The following ANKS1B variants were observed in gnomAD, a reference collection of about 807,000 sequenced individuals.
ANKS1B encodes ankyrin repeat and sterile alpha motif domain containing 1B, also known as ankyrin repeat and sterile alpha motif domain-containing protein 1B.
ANKS1B carries 36 observed loss-of-function variants against 148.3 expected under a neutral mutation model. That is an observed-to-expected ratio of 0.24 (90% CI 0.19 to 0.32). The LOEUF (loss-of-function observed/expected upper bound fraction) is 0.32. Among genes scored for constraint, ANKS1B ranks in the 10% least tolerant of loss-of-function variants. The pLI is 1.00. For missense variants in ANKS1B, 1,157 were observed against 1,542.6 expected, an observed-to-expected ratio of 0.75 and a Z score of 4.19; for synonymous variants, 542 against 560.8, an observed-to-expected ratio of 0.97 and a Z score of 0.47.
intron 8 of ANKS1B, among the ~76,000 whole-genome samples, chr12:99,718,262 C>G (rs1046492004): frequency 6.6e-6 from 1 of 152,052 alleles, no homozygotes; most frequent in Non-Finnish European, 1.5e-5. Context: ...CTTATTAGGC[C>G]GAGACATTTA....
chr12:98,835,057 G>A (rs1280396551), intron 17 of ANKS1B, among the ~76,000 whole-genome samples: 3 of 151,586 alleles, frequency 2.0e-5, no homozygotes, highest in African/African-American at 7.3e-5. Flanking sequence ...CCCTCCCTGA[G>A]TCCTGCTAGA....
intron 14 of ANKS1B, among the ~76,000 whole-genome samples, chr12:99,214,874 G>C (rs1041408842): frequency 5.9e-5 from 9 of 152,178 alleles, no homozygotes; most frequent in Non-Finnish European, 8.8e-5. Flanking sequence ...GTCTCAGATG[G>C]AGATGAAGAA....
intron 17 of ANKS1B, among the ~76,000 whole-genome samples, chr12:98,843,844 G>C (rs2099427921): frequency 6.6e-6 from 1 of 152,148 alleles, no homozygotes; most frequent in Admixed American, 6.5e-5. Context: ...GTTTTGTACT[G>C]ATCTAAATGA....
intron 14 of ANKS1B, among the ~76,000 whole-genome samples, chr12:99,200,894 C>G (rs1422244940): frequency 1.3e-5 from 2 of 152,166 alleles, no homozygotes; most frequent in Non-Finnish European, 2.9e-5. Context: ...GAATCTGTGA[C>G]TCATCAAAAG....
At chr12:99,456,079 T>A (rs2152837084) in intron 10 of ANKS1B, among the ~76,000 whole-genome samples, 1 of 152,226 alleles carries the variant, frequency 6.6e-6, no homozygotes, top group Non-Finnish European at 1.5e-5. Flanking sequence ...CTGAGAGACC[T>A]GAAGATGGGT....
chr12:99,657,217 CAG>C (rs1284826780), intron 8 of ANKS1B, among the ~76,000 whole-genome samples: 8 of 152,048 alleles, frequency 5.3e-5, no homozygotes, highest in African/African-American at 1.4e-4. Context: ...AACTAAGGGA[CAG>C]AGAGGCCAAG....
intron 16 of ANKS1B, among the ~76,000 whole-genome samples, chr12:99,083,259 G>T (rs1470244148): frequency 6.6e-6 from 1 of 152,268 alleles, no homozygotes; most frequent in Non-Finnish European, 1.5e-5. Flanking sequence ...TCTCTAGAAA[G>T]AATAGGAGGA....
chr12:98,908,555 A>C (rs2099782555), intron 17 of ANKS1B, among the ~76,000 whole-genome samples: 2 of 152,214 alleles, frequency 1.3e-5, no homozygotes, highest in South Asian at 4.1e-4. Context: ...GTGAGAATTA[A>C]ATAAGATGAC....
chr12:98,790,553 C>A (rs1333379809), intron 22 of ANKS1B, among the ~76,000 whole-genome samples: 1 of 152,218 alleles, frequency 6.6e-6, no homozygotes, highest in Non-Finnish European at 1.5e-5. Context: ...AAACTCCTGG[C>A]CCCAAGAGAT....
At chr12:99,771,618 A>C (rs1227420854) in intron 8 of ANKS1B, among the ~76,000 whole-genome samples, 2 of 152,154 alleles carry the variant, frequency 1.3e-5, no homozygotes, top group Non-Finnish European at 2.9e-5. Context: ...CATTAAAGTT[A>C]CTATTATAAA....
At chr12:99,560,839 TC>T (rs2097327447) in intron 9 of ANKS1B, among the ~76,000 whole-genome samples, 7 of 103,322 alleles carry the variant, frequency 6.8e-5, no homozygotes, top group African/African-American at 2.3e-4. Flanking sequence ...CTTTCTTTTT[TC>T]TTTTTTTTTT....
chr12:99,861,456 G>C (rs1181750703), intron 1 of ANKS1B, among the ~76,000 whole-genome samples: 1 of 152,110 alleles, frequency 6.6e-6, no homozygotes, highest in Non-Finnish European at 1.5e-5. Context: ...ATTTTCTAAA[G>C]AGTCTTGTTA....
At chr12:99,092,212 C>T (rs1466756320) in intron 15 of ANKS1B, among the ~76,000 whole-genome samples, 1 of 152,122 alleles carries the variant, frequency 6.6e-6, no homozygotes, top group Non-Finnish European at 1.5e-5. Flanking sequence ...AGTGTGGTGT[C>T]TCACTGGGTT....
chr12:99,859,504 T>G (rs1286713473), intron 1 of ANKS1B, among the ~76,000 whole-genome samples: 1 of 152,296 alleles, frequency 6.6e-6, no homozygotes, highest in South Asian at 2.1e-4. Context: ...TTGACTGGTG[T>G]TTTCTAGTGT....
intron 14 of ANKS1B, among the ~76,000 whole-genome samples, chr12:99,188,741 C>T (rs186821285): frequency 8.5e-5 from 13 of 152,168 alleles, no homozygotes; most frequent in East Asian, 1.9e-4. Context: ...CAGCAGAAAA[C>T]GGGAAAGATC....
chr12:99,858,032 G>T (rs1403049039), intron 1 of ANKS1B, among the ~76,000 whole-genome samples: 2 of 151,994 alleles, frequency 1.3e-5, no homozygotes, highest in Non-Finnish European at 2.9e-5. Context: ...AAGACAAATA[G>T]ATGGGACTTA....
intron 17 of ANKS1B, among the ~76,000 whole-genome samples, chr12:98,856,996 C>T (rs957565025): frequency 6.6e-6 from 1 of 152,006 alleles, no homozygotes; most frequent in Admixed American, 6.6e-5. Context: ...TGTGAGCAAG[C>T]CATACAATGG....
intron 12 of ANKS1B, among the ~76,000 whole-genome samples, chr12:99,261,842 C>A (rs2075957298): frequency 6.6e-6 from 1 of 152,130 alleles, no homozygotes; most frequent in South Asian, 2.1e-4. Flanking sequence ...GCACCTTGAT[C>A]CACTCTGAGT....
intron 10 of ANKS1B, among the ~76,000 whole-genome samples, chr12:99,499,714 C>G (rs897385401): frequency 6.6e-6 from 1 of 152,078 alleles, no homozygotes; most frequent in African/African-American, 2.4e-5. Context: ...AGTTAAGCTT[C>G]CCCCGTTGAC....
Sources: gnomAD v4.1 joint callset for allele counts (sites outside exome capture counted in the v4.1 genomes callset) on GRCh38, gnomAD v4.1.1 for gene constraint, MANE v1.5 for transcripts, NCBI Gene and HGNC (gene_info 2026-07-23, HGNC 2026-07-21) for gene names.